Variants in MARK3 observed in about 807,000 individuals in gnomAD.
MARK3 encodes MAP/microtubule affinity-regulating kinase 3.
In MARK3, 46 loss-of-function variants were observed where a neutral mutation model predicts 90.1. The observed-to-expected ratio is 0.51, with a 90% CI of 0.40 to 0.65. The LOEUF is 0.65. MARK3 is among the 30% of genes least tolerant of loss of function. The pLI is 0.00. For synonymous variants in MARK3, 321 were observed against 332.6 expected (o/e 0.97, Z 0.38); for missense variants, 818 against 947.2 (o/e 0.86, Z 1.79).
intron 2 of MARK3, among the ~76,000 whole-genome samples, chr14:103,411,133 G>T (rs2091605293): frequency 6.6e-6 from 1 of 152,162 alleles, no homozygotes; most frequent in Non-Finnish European, 1.5e-5. Flanking sequence ...AATTAGCTGG[G>T]CATGGTGGCG....
chr14:103,440,648 T>C (rs987443560), intron 3 of MARK3, among the ~76,000 whole-genome samples: 2 of 151,896 alleles, frequency 1.3e-5, no homozygotes, highest in African/African-American at 4.8e-5. Flanking sequence ...AAAAGTGATA[T>C]TTGGCCAGGC....
intron 14 of MARK3, chr14:103,490,589 T>C (rs2094000077): frequency 6.6e-6 from 1 of 152,236 alleles, no homozygotes; most frequent in Non-Finnish European, 1.5e-5. Context: ...GAGCATAGCA[T>C]GCTCATATTA....
chr14:103,459,717 T>A (rs992659707), intron 6 of MARK3, among the ~76,000 whole-genome samples: 1 of 151,730 alleles, frequency 6.6e-6, no homozygotes, highest in African/African-American at 2.4e-5. Context: ...TTCACCAGTG[T>A]TGGCCAGGCT....
intron 7 of MARK3, among the ~76,000 whole-genome samples, chr14:103,463,453 A>C (rs2093440495): frequency 6.6e-6 from 1 of 152,174 alleles, no homozygotes; most frequent in East Asian, 1.9e-4. Flanking sequence ...GGGTGTCTTC[A>C]TATAAGCATC....
chr14:103,459,237 T>G (rs1408113637), intron 6 of MARK3, among the ~76,000 whole-genome samples: 1 of 152,244 alleles, frequency 6.6e-6, no homozygotes, highest in Non-Finnish European at 1.5e-5. Context: ...AGCAAGAGCT[T>G]ACTAACCTAA....
At chr14:103,421,387 T>G (rs2092215543) in intron 2 of MARK3, among the ~76,000 whole-genome samples, 1 of 152,230 alleles carries the variant, frequency 6.6e-6, no homozygotes, top group Non-Finnish European at 1.5e-5. Flanking sequence ...TGTAGCTCCT[T>G]TTTTGAAAGA....
At chr14:103,500,228 T>C (rs1283101142) in intron 17 of MARK3, 28 bp downstream of exon 17, 1 of 1,560,368 alleles carries the variant, frequency 6.4e-7, no homozygotes. Flanking sequence ...TACTTAAAAT[T>C]TTTTTCAGGT....
At chr14:103,418,944 C>A (rs1416142041) in intron 2 of MARK3, among the ~76,000 whole-genome samples, 1 of 152,096 alleles carries the variant, frequency 6.6e-6, no homozygotes, top group Non-Finnish European at 1.5e-5. Context: ...TGTACAATGC[C>A]ATTGATGAGA....
chr14:103,385,868 G>C lies in MARK3; in HGVS notation c.-162G>C. ...CCCGGGACCCGCCGGGGGACGGCCC[G>C]GGCCAGGCCCGGGATCTAGACGGCC... On this transcript the variant is annotated 5_prime_UTR_variant, in exon 1 of 18. Transcript: ENST00000429436. 7 of 566,320 alleles carry C rather than the reference G, an allele frequency of 1.2e-5. No homozygotes were observed. The highest frequency in any genetic ancestry group is 3.1e-5 in the East Asian group (1 of 32,110). 35.1% of individuals were successfully genotyped at this position (566,320 alleles called of 1,614,324 possible). A position where few individuals can be genotyped will look rare whatever the true frequency, so the allele number is the denominator to read the frequency against.
Position 103,428,459 on chromosome 14 carries a change from C to A in MARK3, c.297+19C>A. On this transcript the variant is annotated intron_variant, in intron 3 of 17. Transcript: ENST00000429436. ...ACAAAAGGTAAGATTGGTTCAATGT[C>A]TAGTACTTTTTAAAAAATTATCGGT... 2 of 1,457,266 alleles carry A rather than the reference C, an allele frequency of 1.4e-6. No individual in the cohort carries two copies. Among genetic ancestry groups the A allele is most frequent in the Non-Finnish European group, 1.9e-6 (2 of 1,074,304 alleles). The allele number at this position is 1,457,266 out of a possible 1,614,324, so 90.3% of individuals were successfully genotyped here. A position where few individuals can be genotyped will look rare whatever the true frequency, so the allele number is the denominator to read the frequency against.
rs555074617 is a variant in MARK3 at position 103,448,421 on chromosome 14, A to G, written c.298-498A>G. ...TAATAGTCACCACAACCTCCATGCT[A>G]AGTTACCTATATTCTCCAGTGAGGA... On this transcript the variant is annotated intron_variant, in intron 3 of 17. Transcript: ENST00000429436. Among the ~76,000 whole-genome samples the G allele has an allele frequency of 9.8e-5, 15 of 152,324 alleles. No individual in the cohort carries two copies. The East Asian group carries it at 2.9e-3, about 29-fold the overall frequency.
chr14:103,404,906 A>G (rs2091186316), intron 1 of MARK3, among the ~76,000 whole-genome samples, 170 bp from the exon 2 acceptor site: 1 of 152,184 alleles, frequency 6.6e-6, no homozygotes. Flanking sequence ...TCGTCTCAGA[A>G]TTTTTATTTT....
intron 1 of MARK3, among the ~76,000 whole-genome samples, chr14:103,404,015 T>C (rs942363013): frequency 2.0e-5 from 3 of 152,162 alleles, no homozygotes; most frequent in African/African-American, 7.2e-5. Flanking sequence ...TGTGAAAATA[T>C]TAGAGAAATA....
At chr14:103,423,634 T>C (rs543421172) in intron 2 of MARK3, among the ~76,000 whole-genome samples, 4 of 152,322 alleles carry the variant, frequency 2.6e-5, no homozygotes, top group South Asian at 2.1e-4. Flanking sequence ...GTTTCAGCTT[T>C]GCCTGAGCTC....
chr14:103,401,000 G>T (rs995047216), intron 1 of MARK3, among the ~76,000 whole-genome samples: 4 of 134,414 alleles, frequency 3.0e-5, no homozygotes, highest in Non-Finnish European at 6.3e-5. Context: ...TTGTTTATTG[G>T]CTCCTTAGGA....
intron 2 of MARK3, among the ~76,000 whole-genome samples, chr14:103,414,032 T>G (rs1302253077): frequency 6.6e-6 from 1 of 152,212 alleles, no homozygotes; most frequent in African/African-American, 2.4e-5. Flanking sequence ...AACATAAGTT[T>G]TAATTTCTCT....
chr14:103,408,698 T>C (rs555549198), intron 2 of MARK3, among the ~76,000 whole-genome samples: 1 of 152,236 alleles, frequency 6.6e-6, no homozygotes, highest in African/African-American at 2.4e-5. Context: ...TGTAAATATT[T>C]TCATTTCCTG....
At chr14:103,449,116 T>C (rs1479730653) in intron 4 of MARK3, 149 bp downstream of exon 4, 6 of 954,268 alleles carry the variant, frequency 6.3e-6, no homozygotes, top group Admixed American at 3.3e-5. Flanking sequence ...CTTTTTGAAA[T>C]TGCTGAAGAC....
intron 3 of MARK3, among the ~76,000 whole-genome samples, chr14:103,434,040 T>G (rs1566835286): frequency 6.6e-6 from 1 of 152,122 alleles, no homozygotes; most frequent in Non-Finnish European, 1.5e-5. Context: ...GTGTGTTTCT[T>G]TTGAGTTTTT....
Sources: gnomAD v4.1 joint callset for allele counts (sites outside exome capture counted in the v4.1 genomes callset) on GRCh38, gnomAD v4.1.1 for gene constraint, MANE v1.5 for transcripts, NCBI Gene and HGNC (gene_info 2026-07-23, HGNC 2026-07-21) for gene names.